Variants in CSMD1 observed in about 807,000 individuals in gnomAD.
CSMD1 encodes the protein CUB and sushi domain-containing protein 1.
Under a neutral mutation model 417.5 loss-of-function variants are expected in CSMD1, and 213 were observed. The ratio of observed to expected loss-of-function variants is 0.51; its 90% CI spans 0.46 to 0.57. CSMD1 has a LOEUF of 0.57. CSMD1 is among the 20% of genes least tolerant of loss of function. The pLI, the probability that CSMD1 is intolerant of heterozygous loss-of-function variation, is 0.00. For synonymous variants in CSMD1, 2,862 were observed against 1,736.8 expected (o/e 1.65, Z -16.11); for missense variants, 6,923 against 4,529.7 (o/e 1.53, Z -15.17).
chr8:3,112,701 T>C (rs967494179), intron 42 of CSMD1, among the ~76,000 whole-genome samples: 1 of 152,186 alleles, frequency 6.6e-6, no homozygotes, highest in Non-Finnish European at 1.5e-5. Context: ...AAAAAGCTTA[T>C]TGAATAGTGA....
At chr8:4,008,592 C>CTT (rs1201409236) in intron 4 of CSMD1, among the ~76,000 whole-genome samples, 2 of 86,586 alleles carry the variant, frequency 2.3e-5, no homozygotes, top group African/African-American at 4.3e-5. Context: ...TATTTTCTTT[C>CTT]TTTTTTTCTT....
At chr8:3,579,961 G>C (rs1364097897) in intron 9 of CSMD1, among the ~76,000 whole-genome samples, 2 of 152,028 alleles carry the variant, frequency 1.3e-5, no homozygotes, top group Admixed American at 6.6e-5. Flanking sequence ...AAAATTAGCT[G>C]GGTGTGGTGG....
At chr8:4,070,478 C>G (rs1056988546) in intron 3 of CSMD1, among the ~76,000 whole-genome samples, 1 of 152,162 alleles carries the variant, frequency 6.6e-6, no homozygotes, top group African/African-American at 2.4e-5. Context: ...CCACCTCAGC[C>G]TCCCGAGTAG....
chr8:4,202,755 G>C (rs932701618), intron 3 of CSMD1, among the ~76,000 whole-genome samples: 36 of 152,160 alleles, frequency 2.4e-4, no homozygotes, highest in African/African-American at 8.4e-4. Flanking sequence ...TACAAAGGGA[G>C]AAAATGATAG....
rs571752371 is a variant in CSMD1, at chr8:3,206,495, G to GC, written c.4868-876_4868-875insG. 1.4e-3 allele frequency among the ~76,000 whole-genome samples: 120 copies of GC among 82,958 alleles called. 2 individuals are homozygous for GC. The highest frequency in any genetic ancestry group is 5.2e-3 in the African/African-American group (113 of 21,618). The allele number at this position is 82,958 out of a possible 152,430, so 54.4% of individuals were successfully genotyped here. ...ATGTCTGTGCGTGTATGTGTGTGTG[G>GC]GTGTATGTGTGTGTGGTGTATGTCT... On this transcript the variant is annotated intron_variant, in intron 30 of 69. Transcript: ENST00000635120.
chr8:4,478,106 C>G (rs1260652997), intron 2 of CSMD1, among the ~76,000 whole-genome samples: 4 of 152,030 alleles, frequency 2.6e-5, no homozygotes, highest in Admixed American at 2.6e-4. Flanking sequence ...TAAGACCTAC[C>G]CCTGGCTGTT....
intron 7 of CSMD1, among the ~76,000 whole-genome samples, chr8:3,707,549 G>A (rs1475987980): frequency 6.6e-6 from 1 of 152,152 alleles, no homozygotes; most frequent in Non-Finnish European, 1.5e-5. Flanking sequence ...TGGTATCTCA[G>A]TAGACGGTAC....
chr8:3,199,813 GAAACGA>G lies in CSMD1; in HGVS notation c.5099-10_5099-5del. ...GTAGCCAAGGGCAATGTTTCCCCTA[GAAACGA>G]AAACAGAGACAGATTCAGAAAACAC... On this transcript the variant is annotated splice_region_variant and splice_polypyrimidine_tract_variant and intron_variant, in intron 32 of 69. Coordinates refer to ENST00000635120, the MANE Select transcript of CSMD1 (RefSeq NM_033225.6). 6.4e-7 allele frequency: 1 copy of G among 1,559,086 alleles called. No individual in the cohort carries two copies. The highest frequency in any genetic ancestry group is 2.4e-5 in the East Asian group (1 of 42,136).
intron 5 of CSMD1, among the ~76,000 whole-genome samples, chr8:3,954,967 T>G (rs1351623730): frequency 1.3e-5 from 2 of 152,188 alleles, no homozygotes; most frequent in Non-Finnish European, 2.9e-5. Context: ...GGGTCTGCAT[T>G]CAGTTAACAT....
chr8:4,141,696 G>A lies in CSMD1; in HGVS notation c.416-109597C>T, dbSNP rs143711713. 2.8e-3 allele frequency among the ~76,000 whole-genome samples: 430 copies of A among 151,220 alleles called. 40 individuals are homozygous for A. The highest frequency in any genetic ancestry group is 0.01 in the African/African-American group (408 of 40,576). On this transcript the variant is annotated intron_variant, in intron 3 of 69. Transcript: ENST00000635120. ...CTCCAGAAATTGCTTAAATTTTGGA[G>A]AGCAGGCAATTCTGATCTAATAATC... is the stretch of plus-strand genomic sequence containing the variant.
intron 3 of CSMD1, among the ~76,000 whole-genome samples, chr8:4,130,137 C>G (rs186698520): frequency 6.6e-6 from 1 of 152,084 alleles, no homozygotes; most frequent in African/African-American, 2.4e-5. Context: ...GTAAATCAAG[C>G]TTGCTTATTT....
At chr8:3,148,239 C>T (rs1818970516) in intron 40 of CSMD1, among the ~76,000 whole-genome samples, 1 of 152,160 alleles carries the variant, frequency 6.6e-6, no homozygotes. Context: ...TACGTAAAAA[C>T]TTCTGGAGTG....
intron 5 of CSMD1, among the ~76,000 whole-genome samples, chr8:3,913,631 G>C (rs1056782820): frequency 6.6e-6 from 1 of 152,134 alleles, no homozygotes; most frequent in South Asian, 2.1e-4. Flanking sequence ...GGAAGTGGTG[G>C]AGTCATCCAG....
intron 1 of CSMD1, among the ~76,000 whole-genome samples, chr8:4,740,408 T>C (rs918712287): frequency 7.2e-5 from 11 of 152,176 alleles, no homozygotes; most frequent in African/African-American, 2.7e-4. Flanking sequence ...AGCCTCTATT[T>C]TTTTCTTGCT....
chr8:4,785,317 CAT>C (rs1460127586), intron 1 of CSMD1, among the ~76,000 whole-genome samples: 3 of 152,118 alleles, frequency 2.0e-5, no homozygotes, highest in African/African-American at 7.2e-5. Context: ...GGGTGCAAAG[CAT>C]TGGTGGAAGA....
At chr8:3,469,338 A>G (rs1816955583) in intron 11 of CSMD1, 1 of 152,350 alleles carries the variant, frequency 6.6e-6, no homozygotes, top group African/African-American at 2.4e-5. Flanking sequence ...CTCTCCTTTT[A>G]AAATATATTA....
At chr8:4,644,203 GGTCA>G (rs1803374447) in intron 1 of CSMD1, among the ~76,000 whole-genome samples, 1 of 152,100 alleles carries the variant, frequency 6.6e-6, no homozygotes, top group Admixed American at 6.6e-5. Context: ...GGTTTTCACT[GGTCA>G]GTGTCACTTC....
chr8:3,979,006 G>C (rs780573200), intron 5 of CSMD1, among the ~76,000 whole-genome samples: 1 of 152,180 alleles, frequency 6.6e-6, no homozygotes, highest in African/African-American at 2.4e-5. Context: ...TGGAAAATCA[G>C]AAAAAGAACA....
chr8:3,507,015 T>G (rs1275887436), intron 10 of CSMD1, among the ~76,000 whole-genome samples: 2 of 152,202 alleles, frequency 1.3e-5, no homozygotes, highest in African/African-American at 4.8e-5. Context: ...ATACAAGATG[T>G]TGTAAGAATT....
Sources: allele counts gnomAD v4.1 joint callset (sites outside exome capture counted in the v4.1 genomes callset), GRCh38; gene constraint gnomAD v4.1.1; transcripts MANE v1.5; gene names NCBI Gene and HGNC (gene_info 2026-07-23, HGNC 2026-07-21).